The following RBFOX1 variants were observed in gnomAD, a reference collection of about 807,000 sequenced individuals.
The protein encoded by RBFOX1 is RNA binding protein fox-1 homolog 1.
In RBFOX1, 8 loss-of-function variants were observed where a neutral mutation model predicts 57.7. That is an observed-to-expected ratio of 0.14 (90% CI 0.08 to 0.25). RBFOX1 has a LOEUF of 0.25. RBFOX1 is among the 10% of genes least tolerant of loss of function. RBFOX1 has a pLI of 1.00. For missense variants in RBFOX1, 611 were observed against 548.5 expected (o/e 1.11, Z -1.14); for synonymous variants, 326 against 222.4 (o/e 1.47, Z -4.15).
At chr16:5,926,645 G>A (rs560549729) in intron 4 of RBFOX1, among the ~76,000 whole-genome samples, 1 of 152,250 alleles carries the variant, frequency 6.6e-6, no homozygotes, top group African/African-American at 2.4e-5. Context: ...TTTTTGCAAT[G>A]CCTGGATCCG....
At chr16:7,677,162 G>A (rs981513440) in intron 14 of RBFOX1, among the ~76,000 whole-genome samples, 4 of 43,210 alleles carry the variant, frequency 9.3e-5, no homozygotes, top group Admixed American at 3.3e-4. Flanking sequence ...CACACACACC[G>A]TACAACCTTC....
At chr16:6,981,302 G>T (rs1207259468) in intron 3 of RBFOX1, among the ~76,000 whole-genome samples, 2 of 151,658 alleles carry the variant, frequency 1.3e-5, no homozygotes, top group African/African-American at 4.8e-5. Context: ...CCTGTGTTTT[G>T]TCCCCCTCTA....
intron 1 of RBFOX1, among the ~76,000 whole-genome samples, chr16:6,297,413 CACTG>C (rs1567877562): frequency 3.3e-5 from 5 of 152,118 alleles, no homozygotes; most frequent in Non-Finnish European, 7.4e-5. Context: ...TCTGCTGTTT[CACTG>C]TGGCTTAAAT....
intron 10 of RBFOX1, among the ~76,000 whole-genome samples, chr16:7,618,860 A>G (rs17144352): frequency 0.092 from 14,006 of 152,236 alleles, 918 homozygotes; most frequent in African/African-American, 0.18. Flanking sequence ...TAGAACTTCC[A>G]TGGAATTGTT....
rs76656872 is a variant in RBFOX1 at position 7,275,261 on chromosome 16, C to A, written c.27+223163C>A. On this transcript the variant is annotated intron_variant, in intron 4 of 15. Transcript: ENST00000550418. ...ATAGCATTGTGCCATTGCTATTTCC[C>A]ATGTATGTCATTAGATATTCCATGA... 2.0e-5 allele frequency among the ~76,000 whole-genome samples: 3 copies of A among 152,268 alleles called. No homozygotes were observed. The East Asian group carries it at 5.8e-4, about 29-fold the overall frequency.
chr16:5,626,418 C>T (rs964569458), intron 3 of RBFOX1, among the ~76,000 whole-genome samples: 1 of 152,200 alleles, frequency 6.6e-6, no homozygotes, highest in South Asian at 2.1e-4. Context: ...CTGGGACTCA[C>T]TCTAATAACC....
In RBFOX1 at chr16:6,019,243, C is replaced by A; in HGVS notation, c.-876C>A. 26 of 985,442 alleles carry A rather than the reference C, an allele frequency of 2.6e-5. No individual in the cohort carries two copies. The highest frequency in any genetic ancestry group is 3.0e-5 in the Non-Finnish European group (25 of 830,046). 61.0% of individuals were successfully genotyped at this position (985,442 alleles called of 1,614,324 possible). A position where few individuals can be genotyped will look rare whatever the true frequency, so the allele number is the denominator to read the frequency against. ...GCTGGCCGTCTGGGTGCACACACCG[C>A]TCCCTCGATCACCCCAGCCCCCTTC... On this transcript the variant is annotated 5_prime_UTR_variant, in exon 1 of 16. Coordinates refer to ENST00000550418, the MANE Select transcript of RBFOX1 (RefSeq NM_018723.4). The surrounding 1 kb of genome is among the most constrained non-coding windows in gnomAD (Gnocchi z 4.2).
chr16:7,584,343 A>T (rs1211936471), intron 6 of RBFOX1, among the ~76,000 whole-genome samples: 2 of 152,084 alleles, frequency 1.3e-5, no homozygotes, highest in Non-Finnish European at 2.9e-5. Context: ...CCCAGGCTGG[A>T]GTGCAATGGC....
intron 2 of RBFOX1, among the ~76,000 whole-genome samples, chr16:6,631,779 C>A (rs529295917): frequency 6.6e-6 from 1 of 151,930 alleles, no homozygotes; most frequent in Non-Finnish European, 1.5e-5. Flanking sequence ...GAGCAGCCAC[C>A]GGGAGGCTCA....
At chr16:6,919,992 T>G (rs146324151) in intron 3 of RBFOX1, among the ~76,000 whole-genome samples, 1 of 152,076 alleles carries the variant, frequency 6.6e-6, no homozygotes, top group Non-Finnish European at 1.5e-5. Flanking sequence ...CCCCTTTGCA[T>G]CCTCAAAGCT....
chr16:6,885,201 C>A (rs192743337), intron 3 of RBFOX1, among the ~76,000 whole-genome samples: 6 of 152,280 alleles, frequency 3.9e-5, no homozygotes, highest in African/African-American at 1.4e-4. Flanking sequence ...TGAGCCATCA[C>A]TTCAGAAAAC....
At chr16:6,865,674 A>T (rs371883013) in intron 3 of RBFOX1, among the ~76,000 whole-genome samples, 4 of 152,156 alleles carry the variant, frequency 2.6e-5, no homozygotes, top group African/African-American at 7.2e-5. Context: ...GTAATCCCTA[A>T]TTCCTTTAGT....
intron 4 of RBFOX1, among the ~76,000 whole-genome samples, chr16:7,186,560 T>A (rs28742226): frequency 0.091 from 2,182 of 24,050 alleles, 301 homozygotes; most frequent in African/African-American, 0.26. Context: ...AAATATAAGC[T>A]TAAACATATT....
At chr16:6,525,890 A>G (rs915643950) in intron 2 of RBFOX1, among the ~76,000 whole-genome samples, 3 of 152,110 alleles carry the variant, frequency 2.0e-5, no homozygotes, top group Admixed American at 6.6e-5. Context: ...AAACATTCAG[A>G]CCATAGCACA....
chr16:7,196,491 A>T (rs1283006747), intron 4 of RBFOX1, among the ~76,000 whole-genome samples: 2 of 152,186 alleles, frequency 1.3e-5, no homozygotes, highest in East Asian at 3.9e-4. Context: ...CTTCCCAAAC[A>T]TTTAAGAGGC....
At chr16:6,795,698 A>T (rs780262352) in intron 3 of RBFOX1, among the ~76,000 whole-genome samples, 1 of 151,922 alleles carries the variant, frequency 6.6e-6, no homozygotes, top group Non-Finnish European at 1.5e-5. Context: ...ACCAGAAGGC[A>T]GAGGTTGCAG....
exon 3 of RBFOX1, chr16:5,598,917 A>T: frequency 6.6e-7 from 1 of 1,525,362 alleles, no homozygotes; most frequent in Non-Finnish European, 8.8e-7. Flanking sequence ...CAAGTCTGAA[A>T]ATTCAACCCT....
intron 1 of RBFOX1, among the ~76,000 whole-genome samples, chr16:6,263,436 G>A (rs78325532): frequency 0.14 from 20,562 of 152,118 alleles, 2,123 homozygotes; most frequent in African/African-American, 0.28. Flanking sequence ...GGGGAAAAAA[G>A]TAAACTTATT....
intron 3 of RBFOX1, among the ~76,000 whole-genome samples, chr16:6,777,473 C>G (rs1250280156): frequency 6.6e-6 from 1 of 152,118 alleles, no homozygotes; most frequent in Non-Finnish European, 1.5e-5. Context: ...GTAAACTCAA[C>G]TTATTTTTTA....
Sources: allele counts gnomAD v4.1 joint callset (sites outside exome capture counted in the v4.1 genomes callset), GRCh38; gene constraint gnomAD v4.1.1; non-coding constraint Gnocchi (gnomAD v3.1); transcripts MANE v1.5; gene names NCBI Gene and HGNC (gene_info 2026-07-23, HGNC 2026-07-21).